NEXMIF: variants seen among roughly 807,000 people sequenced by gnomAD.
NEXMIF encodes XLMR protein related to neurite extension.
Under a neutral mutation model 62.1 loss-of-function variants are expected in NEXMIF, and 8 were observed. The observed-to-expected ratio is 0.13, with a 90% CI of 0.08 to 0.23. The LOEUF (loss-of-function observed/expected upper bound fraction) is 0.23, where lower values mean the gene tolerates loss of function less well. Among genes scored for constraint, NEXMIF ranks in the 10% least tolerant of loss-of-function variants. The probability of loss-of-function intolerance (pLI) is 1.00; values close to 1 mark genes in which losing one functional copy is unlikely to be tolerated. For missense variants in NEXMIF, 976 were observed against 1,113.3 expected (o/e 0.88, Z 1.75); for synonymous variants, 404 against 416.6 (o/e 0.97, Z 0.37).
At chrX:74,887,717 A>G (rs1353904791) in intron 1 of NEXMIF, among the ~76,000 whole-genome samples, 2 of 111,827 alleles carry the variant, frequency 1.8e-5, no homozygotes, top group Admixed American at 9.5e-5. Flanking sequence ...AACTAGTTCA[A>G]CCATTGTGGA....
Position 74,740,232 on chromosome X carries a change from G to A in NEXMIF, c.4325C>T (p.Pro1442Leu), listed in dbSNP as rs370429318. The A allele has an allele frequency of 1.5e-4, 181 of 1,209,153 alleles. 1 individual carries two copies. The East Asian group carries it at 3.1e-3, about 21-fold the overall frequency. The change falls in exon 3 of 4, where the codon CCG (proline) becomes CTG (leucine). Residue 1442 changes from proline (P) to leucine (L), a missense_variant. Physicochemically the swap from Pro to Leu is moderately conservative, Grantham distance 98. Coordinates refer to ENST00000055682, the MANE Select transcript of NEXMIF (RefSeq NM_001008537.3). Reference sequence around the variant, plus strand: ...GTGACGATACAACTTTTTGTGTGTCGGTCCGTTATTGCCTAAAGTGCTCAT... The same window carrying A: ...GTGACGATACAACTTTTTGTGTGTCAGTCCGTTATTGCCTAAAGTGCTCAT... Reference protein sequence around the residue: ...SNMSTLGNNGPTHKKLYRHKS... With the variant: ...SNMSTLGNNGLTHKKLYRHKS...
At position 74,823,239 on chromosome X, in the gene NEXMIF, G is replaced by T. The variant is rs189839106; in HGVS notation, c.-47-77542C>A. The stretch of plus-strand genomic sequence containing the variant: ...ATGAGTAATGATTTTCTTTTATCGA[G>T]GACAAAAATATTCTAAAATTAGATT... On this transcript the variant is annotated intron_variant, in intron 1 of 3. Coordinates refer to ENST00000055682, the MANE Select transcript of NEXMIF (RefSeq NM_001008537.3). 4.8e-3 allele frequency among the ~76,000 whole-genome samples: 533 copies of T among 111,670 alleles called. 5 individuals carry two copies. Among genetic ancestry groups the T allele is most frequent in the Non-Finnish European group, 5.4e-3 (287 of 53,059 alleles).
At chrX:74,916,503 T>C (rs1312731806) in intron 1 of NEXMIF, among the ~76,000 whole-genome samples, 1 of 110,612 alleles carries the variant, frequency 9.0e-6, no homozygotes, top group Non-Finnish European at 1.9e-5. Flanking sequence ...ATCACGGGAG[T>C]GGGACTGGTA....
At chrX:74,846,012 C>A (rs911000998) in intron 1 of NEXMIF, among the ~76,000 whole-genome samples, 2 of 111,904 alleles carry the variant, frequency 1.8e-5, no homozygotes. Context: ...TTCAGAAAAA[C>A]CACTACAATA....
intron 1 of NEXMIF, among the ~76,000 whole-genome samples, chrX:74,879,676 C>T (rs1409742763): frequency 5.4e-5 from 6 of 111,548 alleles, no homozygotes; most frequent in Non-Finnish European, 7.5e-5. Context: ...GAGCTGTTGC[C>T]GAACACTGGT....
intron 1 of NEXMIF, among the ~76,000 whole-genome samples, chrX:74,765,897 C>T (rs1446171732): frequency 9.5e-6 from 1 of 104,963 alleles, no homozygotes; most frequent in Non-Finnish European, 1.9e-5. Flanking sequence ...AAAAAGTAAC[C>T]AGGTGTGGTG....
rs1198098760 is a variant in NEXMIF at position 74,740,233 on chromosome X, G to T, written c.4324C>A (p.Pro1442Thr). ...SNMSTLGNNG[P>T]THKKLYRHKS... is the part of the protein sequence containing the mutation. ...TGACGATACAACTTTTTGTGTGTCG[G>T]TCCGTTATTGCCTAAAGTGCTCATG... Residue 1442 changes from proline to threonine, a missense_variant, in exon 3 of 4, where the codon CCG becomes ACG. Around this residue, in one of 5 missense-constraint regions of NEXMIF, gnomAD observed 137 missense variants for 128.9 expected, o/e 1.06. Coordinates refer to ENST00000055682, the MANE Select transcript of NEXMIF (RefSeq NM_001008537.3). 1.7e-6 allele frequency: 2 copies of T among 1,209,320 alleles called. No individual in the cohort carries two copies. The highest frequency in any genetic ancestry group is 3.5e-5 in the African/African-American group (2 of 56,928).
chrX:74,748,273 G>T (rs1474861994), intron 1 of NEXMIF, among the ~76,000 whole-genome samples: 7 of 111,996 alleles, frequency 6.3e-5, no homozygotes, highest in African/African-American at 9.7e-5. Context: ...TTGGGCCTTT[G>T]TTCTCCAGAA....
At chrX:74,776,278 G>A (rs982351202) in intron 1 of NEXMIF, among the ~76,000 whole-genome samples, 8 of 111,927 alleles carry the variant, frequency 7.1e-5, no homozygotes, top group African/African-American at 2.6e-4. Flanking sequence ...CATTATCAAT[G>A]CCTCCCATAT....
At chrX:74,882,677 G>A (rs1482808635) in intron 1 of NEXMIF, among the ~76,000 whole-genome samples, 1 of 112,265 alleles carries the variant, frequency 8.9e-6, no homozygotes. Flanking sequence ...GCCCATCACA[G>A]CTCAAAGAGG....
intron 1 of NEXMIF, among the ~76,000 whole-genome samples, chrX:74,793,778 G>A (rs1451470886): frequency 8.3e-4 from 71 of 85,726 alleles, no homozygotes; most frequent in Non-Finnish European, 1.4e-3. Context: ...CGGCTCCTGA[G>A]GCTTCTGCAT....
intron 1 of NEXMIF, among the ~76,000 whole-genome samples, chrX:74,810,693 G>T (rs993100971): frequency 9.1e-6 from 1 of 109,293 alleles, no homozygotes; most frequent in African/African-American, 3.3e-5. Flanking sequence ...ACATTGTTAC[G>T]TCACCTTAAG....
chrX:74,847,877 T>G (rs954728817), intron 1 of NEXMIF, among the ~76,000 whole-genome samples: 1 of 111,337 alleles, frequency 9.0e-6, no homozygotes. Flanking sequence ...AGCATAAATA[T>G]TCATCTCACT....
At chrX:74,860,466 C>T (rs1000299865) in intron 1 of NEXMIF, among the ~76,000 whole-genome samples, 9 of 112,021 alleles carry the variant, frequency 8.0e-5, no homozygotes, top group Non-Finnish European at 1.1e-4. Flanking sequence ...TTCTTTTCTT[C>T]AGCACATGAA....
chrX:74,761,840 G>T (rs950971284), intron 1 of NEXMIF, among the ~76,000 whole-genome samples: 1 of 110,907 alleles, frequency 9.0e-6, no homozygotes, highest in Non-Finnish European at 1.9e-5. Flanking sequence ...CTAGCTTTCT[G>T]ATGTGGGCAT....
intron 1 of NEXMIF, among the ~76,000 whole-genome samples, chrX:74,844,928 G>T (rs536465197): frequency 1.8e-5 from 2 of 112,162 alleles, no homozygotes; most frequent in South Asian, 7.5e-4. Flanking sequence ...ACTAGACATG[G>T]ATTTTTTAAC....
intron 1 of NEXMIF, among the ~76,000 whole-genome samples, chrX:74,887,682 C>G (rs372820752): frequency 9.0e-6 from 1 of 111,106 alleles, no homozygotes; most frequent in Non-Finnish European, 1.9e-5. Flanking sequence ...AATAGGAACA[C>G]TTTTACACTG....
intron 1 of NEXMIF, among the ~76,000 whole-genome samples, chrX:74,836,482 G>A (rs1478021690): frequency 1.8e-5 from 2 of 111,699 alleles, no homozygotes; most frequent in African/African-American, 6.5e-5. Context: ...CAGGTCCCAA[G>A]AGCTCTTTAG....
intron 1 of NEXMIF, among the ~76,000 whole-genome samples, chrX:74,824,078 T>A (rs2080406571): frequency 9.0e-6 from 1 of 111,396 alleles, no homozygotes; most frequent in African/African-American, 3.3e-5. Flanking sequence ...AGTTTCTATA[T>A]TCAGTATGAA....
Sources: gnomAD v4.1 joint callset for allele counts (sites outside exome capture counted in the v4.1 genomes callset) on GRCh38, gnomAD v4.1.1 for gene constraint, gnomAD v4.1.1 regional missense constraint, MANE v1.5 for transcripts, NCBI Gene and HGNC (gene_info 2026-07-23, HGNC 2026-07-21) for gene names.